IMPG1: variants seen among roughly 807,000 people sequenced by gnomAD.
IMPG1 encodes interphotoreceptor matrix proteoglycan of 150 kDa.
A neutral mutation model predicts 92.0 loss-of-function variants in IMPG1; 85 were observed. The ratio of observed to expected loss-of-function variants is 0.92; its 90% CI spans 0.78 to 1.11. The LOEUF is 1.11. IMPG1 is among the 50% of genes least tolerant of loss of function. The pLI is 0.00. For missense variants in IMPG1, 1,022 were observed against 956.0 expected, an observed-to-expected ratio of 1.07 and a Z score of -0.91; for synonymous variants, 367 against 334.1, an observed-to-expected ratio of 1.10 and a Z score of -1.08.
intron 12 of IMPG1, among the ~76,000 whole-genome samples, chr6:75,967,040 G>C (rs1364562031): frequency 6.6e-6 from 1 of 152,122 alleles, no homozygotes; most frequent in Non-Finnish European, 1.5e-5. Flanking sequence ...TTAGCGGGGT[G>C]TGGTGGTGCA....
intron 1 of IMPG1, among the ~76,000 whole-genome samples, chr6:76,062,418 A>G (rs1392976063): frequency 1.3e-5 from 2 of 152,232 alleles, no homozygotes; most frequent in Non-Finnish European, 2.9e-5. Context: ...CATTTATATG[A>G]CATAATAAAA....
intron 15 of IMPG1, among the ~76,000 whole-genome samples, chr6:75,925,473 A>G (rs1221863449): frequency 6.6e-6 from 1 of 152,118 alleles, no homozygotes; most frequent in Admixed American, 6.6e-5. Context: ...GAAGGACAGA[A>G]AATTTCAGTC....
chr6:76,051,577 G>C (rs1784042926), intron 1 of IMPG1, among the ~76,000 whole-genome samples: 1 of 152,208 alleles, frequency 6.6e-6, no homozygotes, highest in Admixed American at 6.5e-5. Flanking sequence ...AAGGAAACTT[G>C]TAGTTATTTC....
chr6:76,014,655 C>T (rs908191055), intron 7 of IMPG1, among the ~76,000 whole-genome samples: 7 of 152,170 alleles, frequency 4.6e-5, no homozygotes, highest in African/African-American at 1.7e-4. Flanking sequence ...GATCCTGAAT[C>T]ATCCATTTTT....
At position 75,971,393 on chromosome 6, in the gene IMPG1, C is replaced by CACCA. The variant is rs543087500; in HGVS notation, c.1292-20303_1292-20300dup. Among the ~76,000 whole-genome samples the CACCA allele has an allele frequency of 2.0e-3, 308 of 151,854 alleles. 1 individual carries two copies. Among genetic ancestry groups the CACCA allele is most frequent in the African/African-American group, 7.0e-3 (292 of 41,422 alleles). On this transcript the variant is annotated intron_variant, in intron 12 of 16. Transcript: ENST00000369950. ...AGATGACGAGTTAGTGGGTGCAGCGCACCAGCATGGCACATGTATACATAC... is the reference window on the plus strand; with the variant it reads ...AGATGACGAGTTAGTGGGTGCAGCGCACCAACCAGCATGGCACATGTATACATAC...
At chr6:75,950,504 A>C (rs1451510230) in intron 13 of IMPG1, 58 bp downstream of exon 13, 12 of 1,399,892 alleles carry the variant, frequency 8.6e-6, no homozygotes, top group Non-Finnish European at 9.6e-6. Context: ...TATATTATAA[A>C]ATAACAACAA....
chr6:76,025,487 T>A (rs1173648890), intron 4 of IMPG1, among the ~76,000 whole-genome samples: 1 of 152,188 alleles, frequency 6.6e-6, no homozygotes, highest in Admixed American at 6.5e-5. Context: ...TCCAGTGTTT[T>A]CCGTAAGCAT....
At chr6:76,009,733 A>G (rs1357607651) in intron 8 of IMPG1, among the ~76,000 whole-genome samples, 1 of 152,254 alleles carries the variant, frequency 6.6e-6, no homozygotes, top group Non-Finnish European at 1.5e-5. Flanking sequence ...TATATCTTTA[A>G]AATATTTACC....
chr6:76,012,490 C>T (rs911982978), intron 7 of IMPG1, among the ~76,000 whole-genome samples: 5 of 152,172 alleles, frequency 3.3e-5, no homozygotes, highest in Non-Finnish European at 2.9e-5. Flanking sequence ...TCTGGAAGCT[C>T]GACTGTAGAT....
chr6:75,936,762 G>T (rs9360961), intron 14 of IMPG1, among the ~76,000 whole-genome samples: 2 of 152,188 alleles, frequency 1.3e-5, no homozygotes, highest in South Asian at 2.1e-4. Context: ...ATTGGCACTA[G>T]GGTGGTGGCC....
intron 1 of IMPG1, among the ~76,000 whole-genome samples, chr6:76,050,600 T>G (rs1294276182): frequency 6.6e-6 from 1 of 152,186 alleles, no homozygotes; most frequent in Admixed American, 6.5e-5. Context: ...CATCATCTCC[T>G]TGTCATATCA....
chr6:75,976,493 G>A (rs957830716), intron 12 of IMPG1, among the ~76,000 whole-genome samples: 16 of 151,918 alleles, frequency 1.1e-4, no homozygotes, highest in Admixed American at 7.2e-4. Flanking sequence ...ACCCAGAAGC[G>A]GAGGTTGCAG....
chr6:76,006,310 GTA>G (rs905789569), intron 9 of IMPG1, among the ~76,000 whole-genome samples: 19 of 147,250 alleles, frequency 1.3e-4, no homozygotes, highest in African/African-American at 3.5e-4. Context: ...TAGGACAATA[GTA>G]TATATATATA....
intron 5 of IMPG1, among the ~76,000 whole-genome samples, chr6:76,023,277 G>A (rs1368824550): frequency 1.3e-5 from 2 of 152,176 alleles, no homozygotes; most frequent in Non-Finnish European, 2.9e-5. Context: ...GGATGGAGGT[G>A]TTCTGTGCTC....
chr6:75,972,678 T>C (rs1782443277), intron 12 of IMPG1, among the ~76,000 whole-genome samples: 1 of 152,226 alleles, frequency 6.6e-6, no homozygotes, highest in Admixed American at 6.5e-5. Flanking sequence ...TACATTTTGT[T>C]TTTTACACTT....
chr6:75,947,619 C>T (rs371030379), intron 13 of IMPG1, 86 bp from the exon 14 acceptor site: 77 of 901,238 alleles, frequency 8.5e-5, no homozygotes, highest in Middle Eastern at 2.7e-4. Context: ...TTTCATTAAC[C>T]GAGACATATA....
intron 13 of IMPG1, among the ~76,000 whole-genome samples, chr6:75,949,117 A>G (rs1253172321): frequency 1.3e-5 from 2 of 152,166 alleles, no homozygotes; most frequent in Non-Finnish European, 2.9e-5. Flanking sequence ...CCTAATTAAC[A>G]TGCCATGGTT....
intron 1 of IMPG1, among the ~76,000 whole-genome samples, chr6:76,069,375 G>A (rs1004281649): frequency 6.6e-6 from 1 of 151,948 alleles, no homozygotes; most frequent in Non-Finnish European, 1.5e-5. Flanking sequence ...CAGACAAATG[G>A]GACTTAATTA....
At chr6:76,061,603 A>G (rs960210125) in intron 1 of IMPG1, among the ~76,000 whole-genome samples, 3 of 152,246 alleles carry the variant, frequency 2.0e-5, no homozygotes, top group Admixed American at 2.0e-4. Context: ...ACTAATAATA[A>G]CTTAGTTAAA....
Sources: gnomAD v4.1 joint callset for allele counts (sites outside exome capture counted in the v4.1 genomes callset) on GRCh38, gnomAD v4.1.1 for gene constraint, MANE v1.5 for transcripts, NCBI Gene and HGNC (gene_info 2026-07-23, HGNC 2026-07-21) for gene names.